MEOX2: variants seen among roughly 807,000 people sequenced by gnomAD.
The protein encoded by MEOX2 is mesenchyme homeobox 2.
MEOX2 carries 11 observed loss-of-function variants against 27.0 expected under a neutral mutation model. The ratio of observed to expected loss-of-function variants is 0.41; its 90% CI spans 0.26 to 0.68. MEOX2 has a LOEUF of 0.68. Ranked by LOEUF, MEOX2 falls within the 30% of genes least tolerant of loss-of-function variation. The pLI, the probability that MEOX2 is intolerant of heterozygous loss-of-function variation, is 0.33. For synonymous variants in MEOX2, 189 were observed against 155.4 expected, an observed-to-expected ratio of 1.22 and a Z score of -1.61; for missense variants, 436 against 385.4, an observed-to-expected ratio of 1.13 and a Z score of -1.10.
At chr7:15,675,626 A>G (rs1266743364) in intron 1 of MEOX2, among the ~76,000 whole-genome samples, 1 of 152,208 alleles carries the variant, frequency 6.6e-6, no homozygotes, top group African/African-American at 2.4e-5. Context: ...TAGGAAATAC[A>G]TTCATTGAAC....
intron 1 of MEOX2, among the ~76,000 whole-genome samples, chr7:15,664,543 C>A (rs1168965685): frequency 2.0e-5 from 3 of 152,124 alleles, no homozygotes; most frequent in African/African-American, 7.2e-5. Flanking sequence ...AAGACCCCAC[C>A]TTTCTAGTAA....
chr7:15,664,549 A>G (rs1319851286), intron 1 of MEOX2, among the ~76,000 whole-genome samples: 1 of 152,170 alleles, frequency 6.6e-6, no homozygotes, highest in Non-Finnish European at 1.5e-5. Context: ...CCACCTTTCT[A>G]GTAAAAGCTC....
intron 1 of MEOX2, among the ~76,000 whole-genome samples, chr7:15,631,103 A>AAG (rs1401232941): frequency 7.2e-5 from 11 of 151,914 alleles, no homozygotes; most frequent in Non-Finnish European, 8.8e-5. Flanking sequence ...GAAAACATCT[A>AAG]TTATTTCTTG....
chr7:15,680,632 G>A (rs539749876), intron 1 of MEOX2: 1 of 151,838 alleles, frequency 6.6e-6, no homozygotes, highest in South Asian at 2.1e-4. Context: ...ATAGTCATGA[G>A]AGCATCCTAA....
At chr7:15,649,765 G>A (rs1562605434) in intron 1 of MEOX2, among the ~76,000 whole-genome samples, 1 of 151,984 alleles carries the variant, frequency 6.6e-6, no homozygotes, top group Non-Finnish European at 1.5e-5. Flanking sequence ...ATGAGTATGG[G>A]GTATTGCAAA....
rs147237286 is a variant in MEOX2 at position 15,682,879 on chromosome 7, C to T, written c.517+3007G>A. Among the ~76,000 whole-genome samples, 889 of 151,866 alleles carry T rather than the reference C, an allele frequency of 5.9e-3. 8 individuals carry two copies. The highest frequency in any genetic ancestry group is 0.02 in the African/African-American group (845 of 41,492). ...TGGCTTTGCTAATAATGCTGGAAAG[C>T]GTAGCAGGTTCAAAGTTACAAAAAT... On this transcript the variant is annotated intron_variant, in intron 1 of 2. Coordinates refer to ENST00000262041, the MANE Select transcript of MEOX2 (RefSeq NM_005924.5).
chr7:15,622,046 G>A (rs1165641033), intron 2 of MEOX2, among the ~76,000 whole-genome samples: 5 of 152,176 alleles, frequency 3.3e-5, no homozygotes, highest in African/African-American at 1.2e-4. Context: ...GAACCCAGGA[G>A]GCGGAGGTTG....
At chr7:15,638,130 T>C (rs1329155576) in intron 1 of MEOX2, among the ~76,000 whole-genome samples, 1 of 152,128 alleles carries the variant, frequency 6.6e-6, no homozygotes, top group Non-Finnish European at 1.5e-5. Flanking sequence ...TTTTATTTTC[T>C]AGCTCTTTCC....
chr7:15,683,982 A>G (rs183912103), intron 1 of MEOX2, among the ~76,000 whole-genome samples: 4 of 151,424 alleles, frequency 2.6e-5, no homozygotes, highest in Non-Finnish European at 4.4e-5. Flanking sequence ...GTTGGGGGGG[A>G]GAGATAAATT....
At position 15,612,422 on chromosome 7, in the gene MEOX2, C is replaced by G. The variant is rs1257373079; in HGVS notation, c.880G>C (p.Asp294His). 1 of 1,614,070 alleles carries G rather than the reference C, an allele frequency of 6.2e-7. No homozygotes were observed. The highest frequency in any genetic ancestry group is 8.5e-7 in the Non-Finnish European group (1 of 1,179,972). The change falls in exon 3 of 3, where the codon GAC (aspartate) becomes CAC (histidine). Residue 294 changes from aspartate to histidine, a missense_variant. Transcript: ENST00000262041. ...GDSIANEDSHDSDHSSEHAHL is the reference protein window; with the variant it reads ...GDSIANEDSHHSDHSSEHAHL ...GCATGCTCTGAGCTGTGGTCACTGTCGTGACTGTCTTCATTTGCTATAGAG... is the reference window on the plus strand; with the variant it reads ...GCATGCTCTGAGCTGTGGTCACTGTGGTGACTGTCTTCATTTGCTATAGAG...
At chr7:15,676,811 T>C (rs1782200823) in intron 1 of MEOX2, among the ~76,000 whole-genome samples, 3 of 151,684 alleles carry the variant, frequency 2.0e-5, no homozygotes, top group South Asian at 2.1e-4. Flanking sequence ...TGAGTCAAGA[T>C]TGCGCCACTG....
At chr7:15,650,311 G>A (rs1385359021) in intron 1 of MEOX2, among the ~76,000 whole-genome samples, 6 of 152,014 alleles carry the variant, frequency 3.9e-5, no homozygotes, top group African/African-American at 1.4e-4. Context: ...TAGTTGCAAT[G>A]TTCTGTGTAA....
At chr7:15,644,041 G>A (rs1781604176) in intron 1 of MEOX2, among the ~76,000 whole-genome samples, 1 of 152,206 alleles carries the variant, frequency 6.6e-6, no homozygotes, top group Non-Finnish European at 1.5e-5. Flanking sequence ...TGTTTAAGAT[G>A]CATCTTGCTC....
chr7:15,625,490 G>T (rs1458402747), intron 2 of MEOX2, among the ~76,000 whole-genome samples: 1 of 152,192 alleles, frequency 6.6e-6, no homozygotes, highest in African/African-American at 2.4e-5. Context: ...TACCAAAGCT[G>T]AAATGTAAAA....
Position 15,681,679 on chromosome 7 carries a change from T to TG in MEOX2, c.517+4206dup, listed in dbSNP as rs1782293670. ...TATGTTTTGAAACACAGAGGGAGAA[T>TG]GGGGTAATGACTGAAGTACTGTTTT... is the stretch of plus-strand genomic sequence containing the variant. On this transcript the variant is annotated intron_variant, in intron 1 of 2. Transcript: ENST00000262041. 2.0e-5 allele frequency: 3 copies of TG among 151,622 alleles called. No individual in the cohort carries two copies. The South Asian group carries it at 6.2e-4, about 31-fold the overall frequency. 9.4% of individuals were successfully genotyped at this position (151,622 alleles called of 1,614,324 possible).
chr7:15,656,921 C>T (rs1781829864), intron 1 of MEOX2, among the ~76,000 whole-genome samples: 1 of 151,966 alleles, frequency 6.6e-6, no homozygotes, highest in Non-Finnish European at 1.5e-5. Context: ...TTGAGAATGT[C>T]ATGATCTCCC....
chr7:15,676,700 G>C (rs28739453), intron 1 of MEOX2, among the ~76,000 whole-genome samples: 6,296 of 151,816 alleles, frequency 0.041, 143 homozygotes, highest in African/African-American at 0.055. Context: ...GTGAAACCGC[G>C]TCTCTACTAA....
In MEOX2 at chr7:15,685,956, G is replaced by T. The variant is rs376342964; in HGVS notation, c.447C>A (p.Tyr149Ter). 5 of 1,611,048 alleles carry T rather than the reference G, an allele frequency of 3.1e-6. No homozygotes were observed. Among genetic ancestry groups the T allele is most frequent in the Non-Finnish European group, 3.4e-6 (4 of 1,179,582 alleles). The change falls in exon 1 of 3, where the codon TAC (tyrosine) becomes TAA (stop). Residue 149 changes from tyrosine to a stop codon, truncating the protein, a stop_gained. Coordinates refer to ENST00000262041, the MANE Select transcript of MEOX2 (RefSeq NM_005924.5). LOFTEE classifies it high-confidence loss of function. ...CCGCAGGTGACAGTGCCTGGCGGCCGTAGTCCCCCGGCGCGCACGCGGCCC... is the reference window on the plus strand; with the variant it reads ...CCGCAGGTGACAGTGCCTGGCGGCCTTAGTCCCCCGGCGCGCACGCGGCCC... ...PTGAACAPGD[Y>*]GRQALSPAEA...
chr7:15,615,898 T>C (rs1376592262), intron 2 of MEOX2, among the ~76,000 whole-genome samples: 3 of 151,978 alleles, frequency 2.0e-5, no homozygotes, highest in Admixed American at 6.6e-5. Context: ...TTTCTTTTTC[T>C]AGGAGAAGGG....
Sources: allele counts gnomAD v4.1 joint callset (sites outside exome capture counted in the v4.1 genomes callset), GRCh38; gene constraint gnomAD v4.1.1; transcripts MANE v1.5; gene names NCBI Gene and HGNC (gene_info 2026-07-23, HGNC 2026-07-21).